NRG2: variants seen among roughly 807,000 people sequenced by gnomAD.
NRG2 encodes the protein neuregulin 2.
A neutral mutation model predicts 73.9 loss-of-function variants in NRG2; 27 were observed. The ratio of observed to expected loss-of-function variants is 0.37; its 90% confidence interval spans 0.27 to 0.50. NRG2 has a LOEUF of 0.50. Ranked by LOEUF, NRG2 falls within the 20% of genes least tolerant of loss-of-function variation. The pLI is 0.96. For missense variants in NRG2, 1,126 were observed against 1,210.1 expected (o/e 0.93, Z 1.03); for synonymous variants, 532 against 541.0 (o/e 0.98, Z 0.23).
At chr5:140,033,962 CTTT>C (rs771835768) in intron 1 of NRG2, among the ~76,000 whole-genome samples, 3 of 143,164 alleles carry the variant, frequency 2.1e-5, no homozygotes, top group Non-Finnish European at 1.5e-5. Context: ...AGACGGTTTC[CTTT>C]TTTTTTTTTT....
chr5:140,006,013 T>C (rs77378590), intron 1 of NRG2, among the ~76,000 whole-genome samples: 4,759 of 152,288 alleles, frequency 0.031, 244 homozygotes, highest in African/African-American at 0.11. Flanking sequence ...AATCAGTGCT[T>C]CTGTCAGAAG....
chr5:139,916,468 A>C (rs1751263085), intron 1 of NRG2, among the ~76,000 whole-genome samples: 1 of 152,208 alleles, frequency 6.6e-6, no homozygotes. Flanking sequence ...TATTCACAGA[A>C]CTGTGCAGCC....
intron 1 of NRG2, among the ~76,000 whole-genome samples, chr5:139,929,181 ATTG>A (rs1752278384): frequency 6.6e-6 from 1 of 152,082 alleles, no homozygotes. Flanking sequence ...GTCCTTTGTC[ATTG>A]TTCTGCCTCA....
At chr5:140,033,283 A>G (rs1580991000) in intron 1 of NRG2, among the ~76,000 whole-genome samples, 1 of 152,332 alleles carries the variant, frequency 6.6e-6, no homozygotes, top group Middle Eastern at 3.4e-3. Flanking sequence ...GCCATTTTCC[A>G]GGGACTTTCA....
At chr5:139,884,996 G>T (rs759549255) in intron 2 of NRG2, among the ~76,000 whole-genome samples, 12 of 152,130 alleles carry the variant, frequency 7.9e-5, no homozygotes, top group Non-Finnish European at 1.6e-4. Context: ...AGTTGAGAGG[G>T]GAACACATGA....
At chr5:140,020,806 GTTT>G (rs1760161860) in intron 1 of NRG2, among the ~76,000 whole-genome samples, 1 of 152,230 alleles carries the variant, frequency 6.6e-6, no homozygotes, top group Non-Finnish European at 1.5e-5. Context: ...AAAAGAGTTA[GTTT>G]ATGTCATCAC....
intron 1 of NRG2, among the ~76,000 whole-genome samples, chr5:140,026,948 T>C (rs1216307039): frequency 2.0e-5 from 3 of 152,198 alleles, no homozygotes; most frequent in African/African-American, 7.2e-5. Context: ...CCTCGAAGAA[T>C]GTTTGAGACA....
intron 5 of NRG2, chr5:139,860,042 C>T (rs943721260): frequency 2.1e-5 from 19 of 917,364 alleles, no homozygotes; most frequent in African/African-American, 1.8e-4. Context: ...AGCCATCCTG[C>T]GAGGTGAAAG....
chr5:139,975,261 AG>A, intron 1 of NRG2, among the ~76,000 whole-genome samples: 1 of 152,366 alleles, frequency 6.6e-6, no homozygotes, highest in East Asian at 1.9e-4. Context: ...GGGAAAAAAA[AG>A]ACTGGGTCTA....
intron 9 of NRG2, among the ~76,000 whole-genome samples, chr5:139,849,061 G>A (rs1281084456): frequency 6.6e-6 from 1 of 152,044 alleles, no homozygotes; most frequent in Non-Finnish European, 1.5e-5. Context: ...CTCACGCTGG[G>A]GTACATGTTC....
chr5:139,989,979 G>T (rs927766540), intron 1 of NRG2, among the ~76,000 whole-genome samples: 1 of 150,880 alleles, frequency 6.6e-6, no homozygotes, highest in Non-Finnish European at 1.5e-5. Flanking sequence ...TAGTAGAGAC[G>T]GGGTTTCACC....
chr5:139,880,820 C>A (rs1284314066), intron 3 of NRG2, 36 bp downstream of exon 3: 1 of 1,579,472 alleles, frequency 6.3e-7, no homozygotes, highest in African/African-American at 1.3e-5. Context: ...CTGCCAAACC[C>A]CTCTAGGACC....
At chr5:139,942,850 A>T (rs1416007167) in intron 1 of NRG2, among the ~76,000 whole-genome samples, 1 of 152,114 alleles carries the variant, frequency 6.6e-6, no homozygotes, top group Non-Finnish European at 1.5e-5. Flanking sequence ...TCCACTATTT[A>T]TTTATTTATT....
chr5:140,039,181 T>C (rs895741207), intron 1 of NRG2, among the ~76,000 whole-genome samples: 1 of 152,202 alleles, frequency 6.6e-6, no homozygotes, highest in East Asian at 1.9e-4. Flanking sequence ...CTGCATCTAT[T>C]CAATAAGGAA....
rs1759395048 is a variant in NRG2, at chr5:140,011,889, T to C, written c.700+30481A>G. Among the ~76,000 whole-genome samples, 3 of 152,210 alleles carry C rather than the reference T, an allele frequency of 2.0e-5. No individual in the cohort carries two copies. In the South Asian group the frequency reaches 6.2e-4, roughly 32 times the overall value. On this transcript the variant is annotated intron_variant, in intron 1 of 9. Coordinates refer to ENST00000361474, the MANE Select transcript of NRG2 (RefSeq NM_004883.3). ...ATAAGAGGACCCAACTCAAAAATCA[T>C]TAATCTATTAAACATTTCTTAATAC...
chr5:139,985,490 G>C (rs992377321), intron 1 of NRG2, among the ~76,000 whole-genome samples: 3 of 152,100 alleles, frequency 2.0e-5, no homozygotes, highest in African/African-American at 7.2e-5. Flanking sequence ...TCCCGAAACA[G>C]GAACAGCACC....
At chr5:139,999,914 A>G (rs1473040017) in intron 1 of NRG2, among the ~76,000 whole-genome samples, 1 of 152,226 alleles carries the variant, frequency 6.6e-6, no homozygotes, top group Admixed American at 6.5e-5. Context: ...ACACATGCCC[A>G]GGGGAAAACA....
chr5:140,041,306 T>C (rs1363859819), intron 1 of NRG2, among the ~76,000 whole-genome samples: 10 of 152,106 alleles, frequency 6.6e-5, no homozygotes, highest in Non-Finnish European at 1.5e-4. Flanking sequence ...AAACCTCAAT[T>C]TGAATAAGCA....
At chr5:140,037,509 A>G (rs2126706041) in intron 1 of NRG2, among the ~76,000 whole-genome samples, 1 of 152,362 alleles carries the variant, frequency 6.6e-6, no homozygotes, top group Non-Finnish European at 1.5e-5. Flanking sequence ...AACTAGGTAG[A>G]TAAGATCTTG....
Sources: allele counts gnomAD v4.1 joint callset (sites outside exome capture counted in the v4.1 genomes callset), GRCh38; gene constraint gnomAD v4.1.1; transcripts MANE v1.5; gene names NCBI Gene and HGNC (gene_info 2026-07-23, HGNC 2026-07-21).